The following DOCK10 variants were observed in gnomAD, a reference collection of about 807,000 sequenced individuals.
DOCK10 encodes dedicator of cytokinesis 10.
Under a neutral mutation model 280.1 loss-of-function variants are expected in DOCK10, and 145 were observed. That is an observed-to-expected ratio of 0.52 (90% CI 0.45 to 0.59). The LOEUF (loss-of-function observed/expected upper bound fraction) is 0.59. Among genes scored for constraint, DOCK10 ranks in the 20% least tolerant of loss-of-function variants. The pLI is 0.00. For synonymous variants in DOCK10, 915 were observed against 942.2 expected (o/e 0.97, Z 0.53); for missense variants, 2,368 against 2,651.7 (o/e 0.89, Z 2.35).
At chr2:224,851,457 T>TA (rs1420142100) in intron 18 of DOCK10, among the ~76,000 whole-genome samples, 3,296 of 143,740 alleles carry the variant, frequency 0.023, 59 homozygotes, top group African/African-American at 0.06. Context: ...CTTTTTTTTT[T>TA]TAAAAAAAAA....
chr2:224,979,518 C>T (rs1296738253), intron 1 of DOCK10, among the ~76,000 whole-genome samples: 2 of 152,240 alleles, frequency 1.3e-5, no homozygotes, highest in African/African-American at 4.8e-5. Flanking sequence ...GCCTCCCTGA[C>T]CTTGCCTTCT....
intron 55 of DOCK10, among the ~76,000 whole-genome samples, chr2:224,769,145 T>G (rs1435883244): frequency 6.6e-6 from 1 of 152,138 alleles, no homozygotes; most frequent in Non-Finnish European, 1.5e-5. Flanking sequence ...CTGTCACCCC[T>G]CAAATAGCCT....
chr2:224,958,891 G>A (rs1432213359), intron 1 of DOCK10, among the ~76,000 whole-genome samples: 1 of 152,004 alleles, frequency 6.6e-6, no homozygotes, highest in Non-Finnish European at 1.5e-5. Context: ...TTTTTCCTTT[G>A]AATAAATTTC....
At chr2:225,025,925 A>G in intron 1 of DOCK10, among the ~76,000 whole-genome samples, 1 of 152,208 alleles carries the variant, frequency 6.6e-6, no homozygotes, top group East Asian at 1.9e-4. Context: ...CAATGAGATA[A>G]TAACTAAATA....
intron 50 of DOCK10, among the ~76,000 whole-genome samples, chr2:224,778,566 C>T (rs978896586): frequency 1.3e-5 from 2 of 152,166 alleles, no homozygotes; most frequent in African/African-American, 4.8e-5. Flanking sequence ...CTCAATGGTA[C>T]TACCTACTTG....
intron 1 of DOCK10, among the ~76,000 whole-genome samples, chr2:224,969,740 C>T (rs1472137147): frequency 6.6e-6 from 1 of 152,160 alleles, no homozygotes; most frequent in African/African-American, 2.4e-5. Flanking sequence ...AATAGGATGG[C>T]CACTATGAAA....
rs150154868 is a variant in DOCK10, at chr2:224,868,415, T to A, written c.1258-3328A>T. Among the ~76,000 whole-genome samples, 288 of 152,332 alleles carry A rather than the reference T, an allele frequency of 1.9e-3. 3 individuals carry two copies. Among genetic ancestry groups the A allele is most frequent in the African/African-American group, 6.4e-3 (265 of 41,580 alleles). ...TGTGATTAAAGTTGGAATACGCCTA[T>A]AAAAACTAGCATTTTTACTGTTTTA... On this transcript the variant is annotated intron_variant, in intron 11 of 55. Coordinates refer to ENST00000258390, the MANE Select transcript of DOCK10 (RefSeq NM_014689.3).
intron 14 of DOCK10, 23 bp downstream of exon 14, chr2:224,862,641 G>T (rs372740073): frequency 3.8e-5 from 61 of 1,595,060 alleles, no homozygotes; most frequent in Non-Finnish European, 5.0e-5. Flanking sequence ...TTTCTAGTCT[G>T]TTGGCTGCAA....
chr2:224,979,267 C>T (rs1160661857), intron 1 of DOCK10, among the ~76,000 whole-genome samples: 3 of 152,174 alleles, frequency 2.0e-5, no homozygotes, highest in Non-Finnish European at 4.4e-5. Flanking sequence ...AACCTTACAC[C>T]GGTAGGTACT....
At chr2:225,024,907 AAG>A (rs138358965) in intron 1 of DOCK10, among the ~76,000 whole-genome samples, 2,433 of 151,984 alleles carry the variant, frequency 0.016, 31 homozygotes, top group Non-Finnish European at 0.024. Context: ...AAAAAAGAAA[AAG>A]AAAAAAAAAT....
chr2:224,784,870 G>T, intron 50 of DOCK10: 1 of 803,622 alleles, frequency 1.2e-6, no homozygotes, highest in Non-Finnish European at 1.8e-6. Flanking sequence ...GAAACCATCT[G>T]GTAGGCAATC....
intron 4 of DOCK10, among the ~76,000 whole-genome samples, chr2:224,888,229 G>C (rs1442744755): frequency 6.6e-6 from 1 of 151,518 alleles, no homozygotes; most frequent in Non-Finnish European, 1.5e-5. Flanking sequence ...CTGTGTGTGT[G>C]TGTGTGTGTG....
intron 8 of DOCK10, among the ~76,000 whole-genome samples, chr2:224,875,175 G>A (rs777034469): frequency 2.6e-5 from 4 of 152,046 alleles, no homozygotes; most frequent in East Asian, 1.9e-4. Flanking sequence ...TAATACTATC[G>A]TTGTTATTAT....
chr2:224,968,889 T>C (rs1438528291), intron 1 of DOCK10, among the ~76,000 whole-genome samples: 1 of 152,226 alleles, frequency 6.6e-6, no homozygotes, highest in Admixed American at 6.5e-5. Flanking sequence ...TAACTGACTG[T>C]AACTCAAACA....
intron 1 of DOCK10, among the ~76,000 whole-genome samples, chr2:224,990,830 T>G (rs527755113): frequency 6.6e-6 from 1 of 152,322 alleles, no homozygotes; most frequent in East Asian, 1.9e-4. Flanking sequence ...TCACTACTTT[T>G]GCAACATCAA....
intron 1 of DOCK10, among the ~76,000 whole-genome samples, chr2:225,034,286 G>T (rs1326216121): frequency 6.6e-6 from 1 of 152,132 alleles, no homozygotes; most frequent in Non-Finnish European, 1.5e-5. Flanking sequence ...TCACTATTGA[G>T]GAGTCATTTG....
chr2:225,027,677 A>C (rs1287935088), intron 1 of DOCK10, among the ~76,000 whole-genome samples: 1 of 152,000 alleles, frequency 6.6e-6, no homozygotes, highest in Non-Finnish European at 1.5e-5. Context: ...TTCCTCCATG[A>C]TTAAAAGCTC....
chr2:224,884,678 G>T (rs1307086320), intron 7 of DOCK10, among the ~76,000 whole-genome samples: 2 of 152,128 alleles, frequency 1.3e-5, no homozygotes, highest in East Asian at 3.9e-4. Flanking sequence ...TTTGTTAAAA[G>T]CACTATGTCT....
intron 15 of DOCK10, 83 bp downstream of exon 15, chr2:224,856,777 A>G: frequency 1.5e-6 from 2 of 1,311,770 alleles, no homozygotes; most frequent in Non-Finnish European, 2.1e-6. Context: ...GTGTTCGAGA[A>G]TGAGATCCTC....
Sources: allele counts gnomAD v4.1 joint callset (sites outside exome capture counted in the v4.1 genomes callset), GRCh38; gene constraint gnomAD v4.1.1; transcripts MANE v1.5; gene names NCBI Gene and HGNC (gene_info 2026-07-23, HGNC 2026-07-21).